Variants in MYO3A observed in about 807,000 individuals in gnomAD.
MYO3A encodes myosin-IIIa.
MYO3A carries 180 observed loss-of-function variants against 192.7 expected under a neutral mutation model. The observed-to-expected ratio is 0.93, with a 90% CI of 0.83 to 1.06. MYO3A has a LOEUF of 1.06. Among genes scored for constraint, MYO3A ranks in the 50% least tolerant of loss-of-function variants. The pLI, the probability that MYO3A is intolerant of heterozygous loss-of-function variation, is 0.00. For synonymous variants in MYO3A, 628 were observed against 645.3 expected (o/e 0.97, Z 0.41); for missense variants, 1,896 against 1,905.0 (o/e 1.00, Z 0.09).
chr10:26,029,935 T>C (rs1415748003), intron 10 of MYO3A, among the ~76,000 whole-genome samples: 8 of 152,164 alleles, frequency 5.3e-5, no homozygotes, highest in Non-Finnish European at 7.4e-5. Context: ...TGCCATTATC[T>C]GGTTTCAAGA....
At chr10:26,069,173 A>G (rs1340850448) in intron 12 of MYO3A, among the ~76,000 whole-genome samples, 1 of 152,076 alleles carries the variant, frequency 6.6e-6, no homozygotes, top group Non-Finnish European at 1.5e-5. Flanking sequence ...TTAAAAGCAT[A>G]TACTTAAATC....
intron 4 of MYO3A, among the ~76,000 whole-genome samples, chr10:25,989,029 G>A (rs921719624): frequency 6.9e-6 from 1 of 145,540 alleles, no homozygotes; most frequent in African/African-American, 2.6e-5. Flanking sequence ...CTGCAGCCTC[G>A]AACTCATGGG....
chr10:26,075,433 T>G (rs1182633872), intron 14 of MYO3A, among the ~76,000 whole-genome samples: 1 of 151,454 alleles, frequency 6.6e-6, no homozygotes, highest in Non-Finnish European at 1.5e-5. Context: ...CCTGCTCCAG[T>G]TCTTCCCCAC....
intron 10 of MYO3A, among the ~76,000 whole-genome samples, chr10:26,045,898 G>C (rs1275746116): frequency 6.6e-6 from 1 of 152,088 alleles, no homozygotes; most frequent in East Asian, 1.9e-4. Context: ...TCCATAAAAG[G>C]CCCAAGAGGA....
intron 33 of MYO3A, among the ~76,000 whole-genome samples, chr10:26,201,936 A>T (rs1339421035): frequency 6.6e-6 from 1 of 152,130 alleles, no homozygotes; most frequent in African/African-American, 2.4e-5. Flanking sequence ...ACATACCTGT[A>T]TTCATGAATT....
chr10:25,985,506 G>A (rs1839598603), intron 4 of MYO3A, among the ~76,000 whole-genome samples: 1 of 151,978 alleles, frequency 6.6e-6, no homozygotes, highest in Non-Finnish European at 1.5e-5. Context: ...AAACGAAATG[G>A]GAGATATTTC....
rs548529534 is a variant in MYO3A, at chr10:25,962,018, G to A, written c.303+7010G>A. 3.3e-5 allele frequency among the ~76,000 whole-genome samples: 5 copies of A among 152,164 alleles called. No individual in the cohort carries two copies. The East Asian group carries it at 5.8e-4, about 18-fold the overall frequency. ...TGGAGGGGATGTATCAGAGCAATGA[G>A]TTACTGTCCTCATTCTAAGCCTGGT... is the stretch of plus-strand genomic sequence containing the variant. On this transcript the variant is annotated intron_variant, in intron 4 of 34. Transcript: ENST00000642920.
At chr10:26,044,596 C>T (rs1843533399) in intron 10 of MYO3A, among the ~76,000 whole-genome samples, 1 of 152,168 alleles carries the variant, frequency 6.6e-6, no homozygotes, top group Non-Finnish European at 1.5e-5. Context: ...CCAAGGATAA[C>T]ATGGTCTCTG....
At chr10:25,988,556 C>T (rs1253617474) in intron 4 of MYO3A, among the ~76,000 whole-genome samples, 3 of 151,978 alleles carry the variant, frequency 2.0e-5, no homozygotes, top group Non-Finnish European at 4.4e-5. Flanking sequence ...ATATATAACC[C>T]ATAGGATTCA....
chr10:26,010,318 G>A (rs1353547616), intron 6 of MYO3A, among the ~76,000 whole-genome samples: 2 of 151,832 alleles, frequency 1.3e-5, no homozygotes, highest in South Asian at 2.1e-4. Flanking sequence ...AAGCTAGAAA[G>A]AAGCTTAAAT....
intron 4 of MYO3A, among the ~76,000 whole-genome samples, chr10:25,971,169 G>C (rs1049102199): frequency 2.6e-5 from 4 of 151,994 alleles, no homozygotes; most frequent in African/African-American, 9.7e-5. Flanking sequence ...TTTGTTATCT[G>C]TCTTATTTAA....
At chr10:26,035,311 G>A (rs763119539) in intron 10 of MYO3A, among the ~76,000 whole-genome samples, 1 of 152,130 alleles carries the variant, frequency 6.6e-6, no homozygotes, top group Non-Finnish European at 1.5e-5. Flanking sequence ...AAAAGGAATA[G>A]GCAATTGAAT....
intron 4 of MYO3A, among the ~76,000 whole-genome samples, chr10:25,992,692 A>T (rs1424934740): frequency 1.3e-5 from 2 of 152,120 alleles, no homozygotes; most frequent in Non-Finnish European, 2.9e-5. Flanking sequence ...ATCAATACCT[A>T]ATTTATTGAG....
chr10:26,164,918 A>G (rs554168477), intron 26 of MYO3A, among the ~76,000 whole-genome samples: 1 of 152,312 alleles, frequency 6.6e-6, no homozygotes, highest in Non-Finnish European at 1.5e-5. Context: ...CACCATGTGT[A>G]CATGAGCGAG....
intron 26 of MYO3A, among the ~76,000 whole-genome samples, chr10:26,162,993 G>A (rs895121656): frequency 1.3e-5 from 2 of 152,250 alleles, no homozygotes; most frequent in African/African-American, 2.4e-5. Context: ...GCGCGCAAGC[G>A]TAGTGAGTTA....
At chr10:26,035,347 T>C (rs185292201) in intron 10 of MYO3A, among the ~76,000 whole-genome samples, 71 of 152,322 alleles carry the variant, frequency 4.7e-4, no homozygotes, top group Non-Finnish European at 8.5e-4. Flanking sequence ...AAGGCCATTG[T>C]AAGTACCTCT....
intron 29 of MYO3A, among the ~76,000 whole-genome samples, chr10:26,171,239 T>G (rs1842031365): frequency 6.6e-6 from 1 of 152,162 alleles, no homozygotes; most frequent in Non-Finnish European, 1.5e-5. Context: ...CTTGAATTTA[T>G]CAAACTGAGT....
intron 10 of MYO3A, among the ~76,000 whole-genome samples, chr10:26,034,456 A>T (rs1842936906): frequency 6.6e-6 from 1 of 152,234 alleles, no homozygotes; most frequent in Non-Finnish European, 1.5e-5. Flanking sequence ...AGTTCAGTGT[A>T]AGTCGATTCT....
In MYO3A at chr10:26,174,359, G is replaced by A; in HGVS notation, c.4095G>A (p.Gln1365=). ...ACCGGGGTTACAAGAGAAGGCAGCA[G>A]TTGAGGAAGGACAAGATGTCTTCTT... is the stretch of plus-strand genomic sequence containing the variant. ...SKYRGYKRRQ[Q]LRKDKMSSFK... The change falls in exon 30 of 35, where the codon CAG becomes CAA. Residue 1365 remains glutamine (Q), a synonymous_variant. Transcript: ENST00000642920. The A allele has an allele frequency of 6.2e-7, 1 of 1,614,180 alleles. No homozygotes were observed. Among genetic ancestry groups the A allele is most frequent in the Non-Finnish European group, 8.5e-7 (1 of 1,180,040 alleles).
Sources: allele counts gnomAD v4.1 joint callset (sites outside exome capture counted in the v4.1 genomes callset), GRCh38; gene constraint gnomAD v4.1.1; transcripts MANE v1.5; gene names NCBI Gene and HGNC (gene_info 2026-07-23, HGNC 2026-07-21).